The following CNGB3 variants were observed in gnomAD, a reference collection of about 807,000 sequenced individuals.
The protein encoded by CNGB3 is cyclic nucleotide gated channel subunit beta 3.
Under a neutral mutation model 92.8 loss-of-function variants are expected in CNGB3, and 86 were observed. That is an observed-to-expected ratio of 0.93 (90% CI 0.78 to 1.11). CNGB3 has a LOEUF of 1.11. Among genes scored for constraint, CNGB3 ranks in the 50% least tolerant of loss-of-function variants. The probability of loss-of-function intolerance (pLI) is 0.00; values close to 1 mark genes in which losing one functional copy is unlikely to be tolerated. For synonymous variants in CNGB3, 333 were observed against 332.7 expected (o/e 1.00, Z -0.01); for missense variants, 1,026 against 956.8 (o/e 1.07, Z -0.95).
intron 13 of CNGB3, among the ~76,000 whole-genome samples, chr8:86,613,677 ATAATTT>A (rs1049671687): frequency 3.7e-4 from 56 of 152,114 alleles, no homozygotes; most frequent in Non-Finnish European, 4.3e-4. Context: ...TTTCATATAA[ATAATTT>A]TAATTTTTGG....
At chr8:86,644,372 GT>G (rs1485315210) in intron 9 of CNGB3, among the ~76,000 whole-genome samples, 1 of 151,350 alleles carries the variant, frequency 6.6e-6, no homozygotes, top group Non-Finnish European at 1.5e-5. Context: ...TTCTGTACTT[GT>G]TTTGACAGAG....
At chr8:86,662,141 C>G (rs1823654423) in intron 6 of CNGB3, among the ~76,000 whole-genome samples, 1 of 152,252 alleles carries the variant, frequency 6.6e-6, no homozygotes, top group African/African-American at 2.4e-5. Flanking sequence ...CTGCGCCAAG[C>G]CGCACACCGC....
rs187520654 is a variant in CNGB3 at position 86,648,047 on chromosome 8, C to T, written c.904-160G>A. Among the ~76,000 whole-genome samples the T allele has an allele frequency of 1.1e-4, 17 of 151,176 alleles. No individual in the cohort carries two copies. The East Asian group carries it at 1.7e-3, about 16-fold the overall frequency. ...TAACTATGCATGGGGCTTTTTAAGG[C>T]GTATTAGCACCATGAAAACTATTTT... On this transcript the variant is annotated intron_variant, in intron 7 of 17. Coordinates refer to ENST00000320005, the MANE Select transcript of CNGB3 (RefSeq NM_019098.5).
At position 86,644,604 on chromosome 8, in the gene CNGB3, T is replaced by C; in HGVS notation, c.1055+18A>G. On this transcript the variant is annotated intron_variant, in intron 9 of 17. Coordinates refer to ENST00000320005, the MANE Select transcript of CNGB3 (RefSeq NM_019098.5). Reference sequence around the variant, plus strand: ...TTGCTTTTTCCCCTTCCCCCAAGTATACTGAGTTATACTTTACCTGTAGAT... The same window carrying C: ...TTGCTTTTTCCCCTTCCCCCAAGTACACTGAGTTATACTTTACCTGTAGAT... The C allele has an allele frequency of 6.3e-7, 1 of 1,599,662 alleles. No individual in the cohort carries two copies. Among genetic ancestry groups the C allele is most frequent in the Non-Finnish European group, 8.5e-7 (1 of 1,170,310 alleles).
chr8:86,578,316 C>G (rs1420503777), intron 17 of CNGB3, among the ~76,000 whole-genome samples: 2 of 151,990 alleles, frequency 1.3e-5, no homozygotes, highest in Non-Finnish European at 2.9e-5. Flanking sequence ...TTTTTGCCAC[C>G]CTGCACGTGC....
At chr8:86,717,032 C>T (rs529948323) in intron 3 of CNGB3, among the ~76,000 whole-genome samples, 36 of 152,192 alleles carry the variant, frequency 2.4e-4, no homozygotes, top group African/African-American at 8.4e-4. Context: ...AAAAGATATT[C>T]CAGCAAATGG....
intron 10 of CNGB3, 28 bp downstream of exon 10, chr8:86,643,723 A>G (rs1315052597): frequency 9.4e-6 from 15 of 1,600,290 alleles, no homozygotes; most frequent in Non-Finnish European, 1.2e-5. Flanking sequence ...AATAATCAAT[A>G]AAGGTTTCTT....
Position 86,704,016 on chromosome 8 carries a change from ACCT to A in CNGB3, c.338+22512_338+22514del, listed in dbSNP as rs573849246. 3.3e-5 allele frequency: 5 copies of A among 152,232 alleles called. No individual in the cohort carries two copies. In the East Asian group the frequency reaches 9.6e-4, roughly 29 times the overall value. The allele number at this position is 152,232 out of a possible 1,614,324, so 9.4% of individuals were successfully genotyped here. ...ATGATGTAGAGGTTAGGGGCACTAG[ACCT>A]CCTGTGTAGCTGAAAATTGCATATG... On this transcript the variant is annotated intron_variant, in intron 3 of 17. Coordinates refer to ENST00000320005, the MANE Select transcript of CNGB3 (RefSeq NM_019098.5).
intron 15 of CNGB3, among the ~76,000 whole-genome samples, chr8:86,584,110 T>C (rs1234322820): frequency 6.6e-6 from 1 of 152,156 alleles, no homozygotes; most frequent in East Asian, 1.9e-4. Context: ...ACAAGGGAAA[T>C]AAATTTTACC....
intron 3 of CNGB3, among the ~76,000 whole-genome samples, chr8:86,677,230 C>T (rs1394370513): frequency 1.3e-5 from 2 of 152,182 alleles, no homozygotes; most frequent in African/African-American, 2.4e-5. Context: ...TGTTTTAAGC[C>T]ACCCAGTTTG....
At chr8:86,729,155 C>T (rs142826057) in intron 2 of CNGB3, among the ~76,000 whole-genome samples, 168 of 152,270 alleles carry the variant, frequency 1.1e-3, no homozygotes, top group African/African-American at 3.8e-3. Context: ...AAGCAATGCG[C>T]CTGTCAAAGT....
intron 15 of CNGB3, among the ~76,000 whole-genome samples, chr8:86,599,702 C>T (rs56080312): frequency 0.027 from 4,042 of 152,194 alleles, 99 homozygotes; most frequent in East Asian, 0.071. Context: ...CTTATTAGGA[C>T]GAGAAAATTC....
intron 13 of CNGB3, among the ~76,000 whole-genome samples, chr8:86,617,916 A>T (rs1822649080): frequency 1.3e-5 from 2 of 152,132 alleles, no homozygotes; most frequent in Non-Finnish European, 2.9e-5. Context: ...CTTTCTATTT[A>T]TTATTACATT....
intron 12 of CNGB3, among the ~76,000 whole-genome samples, chr8:86,626,986 T>C (rs2131581171): frequency 6.6e-6 from 1 of 152,232 alleles, no homozygotes; most frequent in South Asian, 2.1e-4. Flanking sequence ...TCGTTTTTCC[T>C]GATCCTGTCC....
In CNGB3 at chr8:86,628,899, C is replaced by T. The variant is rs117375929; in HGVS notation, c.1480+20G>A. The T allele has an allele frequency of 1.1e-4, 175 of 1,612,240 alleles. No homozygotes were observed. In the East Asian group the frequency reaches 3.5e-3, roughly 32 times the overall value. On this transcript the variant is annotated intron_variant, in intron 12 of 17. Coordinates refer to ENST00000320005, the MANE Select transcript of CNGB3 (RefSeq NM_019098.5). ...ATGACAAGGTTTACAGGAATTTAAT[C>T]GGTAATCTGCCATGCTTACCTAGCA...
chr8:86,643,461 T>C (rs1310160165), intron 10 of CNGB3, among the ~76,000 whole-genome samples: 1 of 151,470 alleles, frequency 6.6e-6, no homozygotes, highest in African/African-American at 2.4e-5. Flanking sequence ...GTCTCTGTTA[T>C]CTTTCCACTC....
intron 15 of CNGB3, among the ~76,000 whole-genome samples, chr8:86,580,411 G>A (rs1821740831): frequency 6.6e-6 from 1 of 152,114 alleles, no homozygotes; most frequent in African/African-American, 2.4e-5. Context: ...TCCCACCTGG[G>A]CTCTGGCTGA....
At chr8:86,678,391 C>A (rs1376942508) in intron 3 of CNGB3, among the ~76,000 whole-genome samples, 1 of 152,202 alleles carries the variant, frequency 6.6e-6, no homozygotes, top group Non-Finnish European at 1.5e-5. Context: ...ACATTCACCT[C>A]TAAATGCTGT....
chr8:86,693,985 G>A (rs1220963193), intron 3 of CNGB3, among the ~76,000 whole-genome samples: 43 of 152,118 alleles, frequency 2.8e-4, no homozygotes, highest in African/African-American at 9.6e-4. Context: ...TGGGGTGGTG[G>A]CCGGGCAGAG....
Sources: allele counts gnomAD v4.1 joint callset (sites outside exome capture counted in the v4.1 genomes callset), GRCh38; gene constraint gnomAD v4.1.1; transcripts MANE v1.5; gene names NCBI Gene and HGNC (gene_info 2026-07-23, HGNC 2026-07-21).